Variants in AADACL4 observed in about 807,000 individuals in gnomAD.
The protein encoded by AADACL4 is arylacetamide deacetylase-like 4.
Under a neutral mutation model 14.1 loss-of-function variants are expected in AADACL4, and 9 were observed. The ratio of observed to expected loss-of-function variants is 0.64; its 90% confidence interval spans 0.39 to 1.12. The LOEUF is 1.12. Ranked by LOEUF, AADACL4 falls within the 50% of genes most tolerant of loss-of-function variation. AADACL4 has a pLI of 0.01. For synonymous variants in AADACL4, 188 were observed against 201.6 expected (o/e 0.93, Z 0.57); for missense variants, 531 against 516.1 (o/e 1.03, Z -0.28).
At chr1:12,665,717 C>T (rs973034162) in intron 3 of AADACL4, among the ~76,000 whole-genome samples, 1 of 152,110 alleles carries the variant, frequency 6.6e-6, no homozygotes, top group Non-Finnish European at 1.5e-5. Context: ...TGCATCACCT[C>T]GTATAGAGTT....
chr1:12,661,935 G>A (rs762623972), intron 3 of AADACL4, 81 bp downstream of exon 3: 364 of 1,474,072 alleles, frequency 2.5e-4, no homozygotes, highest in Middle Eastern at 2.0e-3. Context: ...GTAGATCAGA[G>A]AGGCCCTAAC....
intron 1 of AADACL4, among the ~76,000 whole-genome samples, chr1:12,645,064 T>C (rs138624422): frequency 0.03 from 4,065 of 136,308 alleles, 96 homozygotes; most frequent in South Asian, 0.13. Flanking sequence ...CTCCCTCCCT[T>C]CCTTCCTTCC....
At chr1:12,646,056 G>A (rs1014612755) in intron 1 of AADACL4, among the ~76,000 whole-genome samples, 15 of 152,214 alleles carry the variant, frequency 9.9e-5, no homozygotes, top group African/African-American at 3.4e-4. Context: ...AAACAGTGGT[G>A]TGACATCTTG....
Position 12,661,961 on chromosome 1 carries a change from C to G in AADACL4, c.449+107C>G, listed in dbSNP as rs970825425. 19 of 1,222,838 alleles carry G rather than the reference C, an allele frequency of 1.6e-5. No individual in the cohort carries two copies. The African/African-American group carries it at 2.9e-4, about 18-fold the overall frequency. 75.7% of individuals were successfully genotyped at this position (1,222,838 alleles called of 1,614,324 possible). A position where few individuals can be genotyped will look rare whatever the true frequency, so the allele number is the denominator to read the frequency against. ...AGGCCCTAACTCCCAAGAGGCAACT[C>G]TTGGACATGCATCCACAGAGACAGG... On this transcript the variant is annotated intron_variant, in intron 3 of 3. Coordinates refer to ENST00000376221, the MANE Select transcript of AADACL4 (RefSeq NM_001013630.2).
chr1:12,659,975 T>A (rs187258075), intron 2 of AADACL4, among the ~76,000 whole-genome samples: 1 of 152,300 alleles, frequency 6.6e-6, no homozygotes, highest in African/African-American at 2.4e-5. Context: ...TGTACCACCA[T>A]GCCTGGCTAA....
chr1:12,644,659 A>G lies in AADACL4; in HGVS notation c.113A>G (p.Gln38Arg). 1 of 1,614,122 alleles carries G rather than the reference A, an allele frequency of 6.2e-7. No homozygotes were observed. The highest frequency in any genetic ancestry group is 8.5e-7 in the Non-Finnish European group (1 of 1,180,000). The change falls in exon 1 of 4, where the codon CAG (glutamine) becomes CGG (arginine). Residue 38 changes from glutamine (Q) to arginine (R), a missense_variant. Physicochemically the swap from Gln to Arg is conservative, Grantham distance 43. Transcript: ENST00000376221. ...FLTTDIPATL[Q>R]HPAKLRFLHC... ...ACCACGGATATCCCTGCTACCTTGCAGCATCCTGCCAAGTTGAGATTCCTG... is the reference window on the plus strand; with the variant it reads ...ACCACGGATATCCCTGCTACCTTGCGGCATCCTGCCAAGTTGAGATTCCTG...
chr1:12,660,421 A>G (rs1647217552), intron 2 of AADACL4, among the ~76,000 whole-genome samples: 1 of 152,078 alleles, frequency 6.6e-6, no homozygotes, highest in South Asian at 2.1e-4. Flanking sequence ...GGCCCTATTA[A>G]GTCTAAGTGG....
chr1:12,658,135 C>CCTTCCTTCTTTTCTTCCTTT (rs1557550855), intron 2 of AADACL4, among the ~76,000 whole-genome samples: 1 of 87,298 alleles, frequency 1.1e-5, no homozygotes, highest in Admixed American at 1.3e-4. Flanking sequence ...TTCCTTCCTT[C>CCTTCCTTCTTTTCTTCCTTT]CTTCCTTTCT....
chr1:12,665,211 A>T (rs116139833), intron 3 of AADACL4, among the ~76,000 whole-genome samples: 5,569 of 151,974 alleles, frequency 0.037, 333 homozygotes, highest in African/African-American at 0.13. Context: ...CTTTTAAATT[A>T]GATTTTTGAT....
intron 2 of AADACL4, among the ~76,000 whole-genome samples, chr1:12,652,647 C>T (rs1647155911): frequency 6.6e-6 from 1 of 152,208 alleles, no homozygotes; most frequent in Non-Finnish European, 1.5e-5. Context: ...TACCTTTATG[C>T]ATTTCTTTAA....
At chr1:12,656,951 G>A (rs1647181394) in intron 2 of AADACL4, among the ~76,000 whole-genome samples, 1 of 151,942 alleles carries the variant, frequency 6.6e-6, no homozygotes, top group South Asian at 2.1e-4. Flanking sequence ...GACTGGCCCT[G>A]GCAACATGGT....
At chr1:12,657,678 A>T (rs1009038997) in intron 2 of AADACL4, among the ~76,000 whole-genome samples, 4 of 152,234 alleles carry the variant, frequency 2.6e-5, no homozygotes, top group Non-Finnish European at 5.9e-5. Flanking sequence ...CGGAATATTC[A>T]TGAAAATTCC....
intron 2 of AADACL4, among the ~76,000 whole-genome samples, chr1:12,654,163 G>T (rs2100762129): frequency 6.6e-6 from 1 of 152,286 alleles, no homozygotes; most frequent in East Asian, 1.9e-4. Flanking sequence ...CAGTATTTGG[G>T]TAAATACGGT....
chr1:12,656,519 T>TTCAA (rs1647179818), intron 2 of AADACL4, among the ~76,000 whole-genome samples: 2 of 152,200 alleles, frequency 1.3e-5, no homozygotes, highest in East Asian at 1.9e-4. Context: ...ATAGGGACCT[T>TTCAA]GAAGGGAGCA....
chr1:12,659,086 C>A (rs1287178830), intron 2 of AADACL4, among the ~76,000 whole-genome samples: 2 of 152,140 alleles, frequency 1.3e-5, no homozygotes, highest in Admixed American at 1.3e-4. Context: ...TGGACACATA[C>A]GAGAAAAATT....
At chr1:12,659,715 T>C (rs181728304) in intron 2 of AADACL4, among the ~76,000 whole-genome samples, 8 of 152,290 alleles carry the variant, frequency 5.3e-5, no homozygotes, top group Non-Finnish European at 1.2e-4. Flanking sequence ...TGATCACAGC[T>C]CACTGCAGCT....
chr1:12,665,570 C>T (rs1184219856), intron 3 of AADACL4, among the ~76,000 whole-genome samples: 1 of 152,182 alleles, frequency 6.6e-6, no homozygotes, highest in Non-Finnish European at 1.5e-5. Flanking sequence ...GTAGCTTCCT[C>T]TTGACTTTAA....
At chr1:12,663,308 T>A (rs762151826) in intron 3 of AADACL4, among the ~76,000 whole-genome samples, 1 of 152,104 alleles carries the variant, frequency 6.6e-6, no homozygotes, top group Non-Finnish European at 1.5e-5. Context: ...TTTCTCAGAG[T>A]TTTGGAGGCT....
intron 1 of AADACL4, among the ~76,000 whole-genome samples, chr1:12,648,368 C>T (rs536300226): frequency 6.7e-6 from 1 of 149,866 alleles, no homozygotes; most frequent in South Asian, 2.1e-4. Flanking sequence ...TTCCTTCCTT[C>T]CTTCCTTCCT....
Sources: allele counts gnomAD v4.1 joint callset (sites outside exome capture counted in the v4.1 genomes callset), GRCh38; gene constraint gnomAD v4.1.1; transcripts MANE v1.5; gene names NCBI Gene and HGNC (gene_info 2026-07-23, HGNC 2026-07-21).